AKT1S1: variants seen among roughly 807,000 people sequenced by gnomAD.
AKT1S1 encodes AKT1 substrate 1, also known as proline-rich AKT1 substrate 1.
In AKT1S1, 17 loss-of-function variants were observed where a neutral mutation model predicts 21.2. That is an observed-to-expected ratio of 0.80 (90% CI 0.55 to 1.20). The LOEUF (loss-of-function observed/expected upper bound fraction) is 1.20, where lower values mean the gene tolerates loss of function less well. AKT1S1 is among the 50% of genes most tolerant of loss of function. AKT1S1 has a pLI of 0.00. For missense variants in AKT1S1, 366 were observed against 368.3 expected (o/e 0.99, Z 0.05); for synonymous variants, 181 against 165.6 (o/e 1.09, Z -0.72).
At chr19:49,872,559 G>T (rs137998789) in intron 2 of AKT1S1, among the ~76,000 whole-genome samples, 1 of 151,862 alleles carries the variant, frequency 6.6e-6, no homozygotes, top group African/African-American at 2.4e-5. Flanking sequence ...CCTCCCAGGC[G>T]TTGTGGAAAC....
intron 4 of AKT1S1, 32 bp from the exon 5 acceptor site, chr19:49,870,092 C>T (rs1174959560): frequency 4.0e-6 from 6 of 1,484,962 alleles, no homozygotes; most frequent in Non-Finnish European, 4.5e-6. Context: ...GAGGTCAGCG[C>T]CGGCAGGGCA....
Position 49,872,900 on chromosome 19 carries a change from T to TGCCCCC in AKT1S1, c.379+11_379+16dup. On this transcript the variant is annotated intron_variant, in intron 2 of 4. Transcript: ENST00000344175. Reference sequence around the variant, plus strand: ...TCAAGCGCTGGGCCGCACCCGCCCCTGCCCCCACCCTCTCACCTCCATTAT... The same window carrying TGCCCCC: ...TCAAGCGCTGGGCCGCACCCGCCCCTGCCCCCGCCCCCACCCTCTCACCTCCATTAT... 1.1e-6 allele frequency: 1 copy of TGCCCCC among 870,082 alleles called. No homozygotes were observed. Among genetic ancestry groups the TGCCCCC allele is most frequent in the South Asian group, 1.3e-5 (1 of 75,930 alleles). The allele number at this position is 870,082 out of a possible 1,614,324, so 53.9% of individuals were successfully genotyped here.
chr19:49,871,531 C>A lies in AKT1S1; in HGVS notation c.627+16G>T. 6.2e-7 allele frequency: 1 copy of A among 1,613,706 alleles called. No homozygotes were observed. The highest frequency in any genetic ancestry group is 8.5e-7 in the Non-Finnish European group (1 of 1,179,988). On this transcript the variant is annotated intron_variant, in intron 4 of 4. Coordinates refer to ENST00000344175, the MANE Select transcript of AKT1S1 (RefSeq NM_001098633.4). ...CTTCCAGCTGCCCTCCCTACCTCCC[C>A]ACATTTGCCCCTCACCGGCCCATTC...
Position 49,872,903 on chromosome 19 carries a change from C to T in AKT1S1, c.379+14G>A. ...AGCGCTGGGCCGCACCCGCCCCTGC[C>T]CCCACCCTCTCACCTCCATTATCAC... On this transcript the variant is annotated intron_variant, in intron 2 of 4. Coordinates refer to ENST00000344175, the MANE Select transcript of AKT1S1 (RefSeq NM_001098633.4). 1 of 1,594,200 alleles carries T rather than the reference C, an allele frequency of 6.3e-7. No individual in the cohort carries two copies. The highest frequency in any genetic ancestry group is 8.5e-7 in the Non-Finnish European group (1 of 1,176,876).
Position 49,869,992 on chromosome 19 carries a change from GTCC to G in AKT1S1, c.693_695del (p.Glu231del). The stretch of plus-strand genomic sequence containing the variant: ...GTGGCAGGTCCCCGAAGACCTGGGT[GTCC>G]TCGGCCTCTCGCAGCACCAGCGCGC... On this transcript the variant is annotated inframe_deletion, in exon 5 of 5. Transcript: ENST00000344175. 6.5e-7 allele frequency: 1 copy of G among 1,547,554 alleles called. No homozygotes were observed. Among genetic ancestry groups the G allele is most frequent in the South Asian group, 1.2e-5 (1 of 84,000 alleles).
At position 49,870,040 on chromosome 19, in the gene AKT1S1, G is replaced by A. The variant is rs1489721564; in HGVS notation, c.648C>T (p.Asp216=). ...ENGPPSSPDL[D]RIAASMRALV... ...GCGCGCGCATGCTCGCCGCGATGCG[G>A]TCCAGGTCGGGCGAAGAGGGCTGCG... The change falls in exon 5 of 5, where the codon GAC becomes GAT. Residue 216 remains aspartate (D), a synonymous_variant. Transcript: ENST00000344175. 10 of 1,552,094 alleles carry A rather than the reference G, an allele frequency of 6.4e-6. No individual in the cohort carries two copies. The highest frequency in any genetic ancestry group is 7.8e-6 in the Non-Finnish European group (9 of 1,146,840).
At position 49,872,945 on chromosome 19, in the gene AKT1S1, C is replaced by A. The variant is rs141208571; in HGVS notation, c.351G>T (p.Gly117=). The A allele has an allele frequency of 5.0e-4, 795 of 1,603,562 alleles. 3 individuals are homozygous for A. The African/African-American group carries it at 7.6e-3, about 15-fold the overall frequency. ...CATTATCACTAATGCCCAGCTGCTC[C>A]CCGGAGGTCTCTGTCTCTGTGGGCT... ...EDEPTETETS[G]EQLGISDNGG... Residue 117 remains glycine, a synonymous_variant, in exon 2 of 5, where the codon GGG becomes GGT. Transcript: ENST00000344175.
At position 49,876,716 on chromosome 19, in the gene AKT1S1, C is replaced by T. The variant is rs555686149; in HGVS notation, c.-8+521G>A. On this transcript the variant is annotated intron_variant, in intron 1 of 4. Transcript: ENST00000344175. ...GCCTCCTCTCCGCACACTCCGCCTC[C>T]CTTATCGGGGCCGCCCGAGATCAAG... is the stretch of plus-strand genomic sequence containing the variant. 2.8e-6 allele frequency: 4 copies of T among 1,408,776 alleles called. No homozygotes were observed. The East Asian group carries it at 8.7e-5, about 31-fold the overall frequency. The allele number at this position is 1,408,776 out of a possible 1,614,324, so 87.3% of individuals were successfully genotyped here.
At chr19:49,871,440 A>G (rs933047579) in intron 4 of AKT1S1, 107 bp downstream of exon 4, 1 of 1,450,784 alleles carries the variant, frequency 6.9e-7, no homozygotes, top group African/African-American at 1.4e-5. Flanking sequence ...GGGAGGATTC[A>G]GTTAGCTTAT....
intron 3 of AKT1S1, 36 bp downstream of exon 3, chr19:49,871,776 C>T: frequency 6.2e-7 from 1 of 1,611,194 alleles, no homozygotes; most frequent in Non-Finnish European, 8.5e-7. Flanking sequence ...GTGTGCCTGC[C>T]CTCAGGTCGG....
At position 49,873,982 on chromosome 19, in the gene AKT1S1, C is replaced by G. The variant is rs1357475431; in HGVS notation, c.-7-680G>C. 2.6e-5 allele frequency: 4 copies of G among 152,278 alleles called. No homozygotes were observed. The highest frequency in any genetic ancestry group is 9.7e-5 in the African/African-American group (4 of 41,428). 9.4% of individuals were successfully genotyped at this position (152,278 alleles called of 1,614,324 possible). A position where few individuals can be genotyped will look rare whatever the true frequency, so the allele number is the denominator to read the frequency against. On this transcript the variant is annotated intron_variant, in intron 1 of 4. Transcript: ENST00000344175. This position sits in a 1 kb window ranked among gnomAD's most constrained non-coding sequence, Gnocchi z 6.9. Reference sequence around the variant, plus strand: ...CAAGGCCCAGGGGGTTCCTTCAGCACCCGGAGCTGATGCTACTCCTCGCCA... The same window carrying G: ...CAAGGCCCAGGGGGTTCCTTCAGCAGCCGGAGCTGATGCTACTCCTCGCCA...
chr19:49,876,398 G>A, intron 1 of AKT1S1: 2 of 1,128,164 alleles, frequency 1.8e-6, no homozygotes, highest in Non-Finnish European at 2.3e-6. Context: ...AGGTGAGACT[G>A]TCTACGATTT....
At chr19:49,878,127 G>T, upstream of AKT1S1, 1 of 1,565,202 alleles carries the variant, frequency 6.4e-7, no homozygotes, top group Non-Finnish European at 8.7e-7. Context: ...GCCCTCGCTG[G>T]TTCCCCCCAA....
Position 49,869,518 on chromosome 19 carries a change from C to T in AKT1S1, c.*399G>A, listed in dbSNP as rs2074856908. On this transcript the variant is annotated 3_prime_UTR_variant, in exon 5 of 5. Transcript: ENST00000344175. Reference sequence around the variant, plus strand: ...TGACTATGTAGAGACTGGTCAAGCCCTTTACAGGATTTGAGCCAATCAAAA... The same window carrying T: ...TGACTATGTAGAGACTGGTCAAGCCTTTTACAGGATTTGAGCCAATCAAAA... 6.1e-6 allele frequency: 1 copy of T among 163,786 alleles called. No individual in the cohort carries two copies. The highest frequency in any genetic ancestry group is 1.3e-5 in the Non-Finnish European group (1 of 75,500). 10.1% of individuals were successfully genotyped at this position (163,786 alleles called of 1,614,324 possible).
At chr19:49,872,890 C>T (rs746038993) in intron 2 of AKT1S1, 27 bp downstream of exon 2, 79 of 1,581,454 alleles carry the variant, frequency 5.0e-5, no homozygotes, top group Non-Finnish European at 6.5e-5. Context: ...CGCTGGGCCG[C>T]ACCCGCCCCT....
At chr19:49,876,005 G>C in intron 1 of AKT1S1, 3 of 985,484 alleles carry the variant, frequency 3.0e-6, no homozygotes, top group Non-Finnish European at 2.4e-6. Flanking sequence ...CCCCACAGGA[G>C]GGGGAGCACG....
Position 49,873,354 on chromosome 19 carries a change from C to T in AKT1S1, c.-7-52G>A, listed in dbSNP as rs969900178. On this transcript the variant is annotated intron_variant, in intron 1 of 4. Transcript: ENST00000344175. The surrounding 1 kb of genome is among the most constrained non-coding windows in gnomAD (Gnocchi z 6.9). ...GCTGAGGCTTGGCGGCCTACATCATCGCCACCCACTCAGAGTGCCCGCCCG... is the reference window on the plus strand; with the variant it reads ...GCTGAGGCTTGGCGGCCTACATCATTGCCACCCACTCAGAGTGCCCGCCCG... The T allele has an allele frequency of 1.4e-5, 20 of 1,395,360 alleles. No individual in the cohort carries two copies. Among genetic ancestry groups the T allele is most frequent in the African/African-American group, 1.4e-4 (9 of 65,406 alleles). 86.4% of individuals were successfully genotyped at this position (1,395,360 alleles called of 1,614,324 possible). A position where few individuals can be genotyped will look rare whatever the true frequency, so the allele number is the denominator to read the frequency against.
Position 49,869,884 on chromosome 19 carries a change from C to T in AKT1S1, c.*33G>A, listed in dbSNP as rs1327426202. On this transcript the variant is annotated 3_prime_UTR_variant, in exon 5 of 5. Coordinates refer to ENST00000344175, the MANE Select transcript of AKT1S1 (RefSeq NM_001098633.4). Reference sequence around the variant, plus strand: ...GGCGGGGGCGTAGTGTGGGACGGGGCGGACGCGGCCCGGGGCGCTCCCTCC... The same window carrying T: ...GGCGGGGGCGTAGTGTGGGACGGGGTGGACGCGGCCCGGGGCGCTCCCTCC... 1.4e-6 allele frequency: 2 copies of T among 1,453,134 alleles called. No individual in the cohort carries two copies. The highest frequency in any genetic ancestry group is 9.2e-7 in the Non-Finnish European group (1 of 1,087,870). 90.0% of individuals were successfully genotyped at this position (1,453,134 alleles called of 1,614,324 possible). A position where few individuals can be genotyped will look rare whatever the true frequency, so the allele number is the denominator to read the frequency against.
At chr19:49,876,262 G>A (rs1377461565) in intron 1 of AKT1S1, 5 of 1,142,498 alleles carry the variant, frequency 4.4e-6, no homozygotes, top group Non-Finnish European at 3.2e-6. Flanking sequence ...CGCCCAGACG[G>A]AGGCCAGGAC....
Sources: gnomAD v4.1 joint callset for allele counts (sites outside exome capture counted in the v4.1 genomes callset) on GRCh38, gnomAD v4.1.1 for gene constraint, Gnocchi (gnomAD v3.1) non-coding constraint, MANE v1.5 for transcripts, NCBI Gene and HGNC (gene_info 2026-07-23, HGNC 2026-07-21) for gene names.